BAZ1B: variants seen among roughly 807,000 people sequenced by gnomAD.
BAZ1B encodes bromodomain adjacent to zinc finger domain 1B.
A neutral mutation model predicts 153.8 loss-of-function variants in BAZ1B; 22 were observed. That is an observed-to-expected ratio of 0.14 (90% confidence interval 0.10 to 0.20). The LOEUF is 0.20. Ranked by LOEUF, BAZ1B falls within the 10% of genes least tolerant of loss-of-function variation. The pLI, the probability that BAZ1B is intolerant of heterozygous loss-of-function variation, is 1.00. For missense variants in BAZ1B, 1,325 were observed against 1,799.3 expected (o/e 0.74, Z 4.77); for synonymous variants, 676 against 633.4 (o/e 1.07, Z -1.01).
chr7:73,521,665 G>C (rs559111017), intron 1 of BAZ1B, among the ~76,000 whole-genome samples, 162 bp downstream of exon 1: 1 of 151,608 alleles, frequency 6.6e-6, no homozygotes, highest in East Asian at 2.0e-4. Context: ...TGGAAGGATC[G>C]GCGGGCGCAG....
At chr7:73,462,837 G>A (rs1374924372) in intron 12 of BAZ1B, 85 bp downstream of exon 12, 54 of 1,441,572 alleles carry the variant, frequency 3.7e-5, no homozygotes, top group Non-Finnish European at 5.0e-5. Flanking sequence ...GGAGGGTCAT[G>A]TTGGGAAGTC....
chr7:73,456,929 C>T lies in BAZ1B; in HGVS notation c.3432+2607G>A, dbSNP rs1236608601. On this transcript the variant is annotated intron_variant, in intron 13 of 19. Coordinates refer to ENST00000339594, the MANE Select transcript of BAZ1B (RefSeq NM_032408.4). ...TGTACTCCGGCCTCGGCGACAGAGACTCTGTCTCAAAAAAAAAAAAAAAAA... is the reference window on the plus strand; with the variant it reads ...TGTACTCCGGCCTCGGCGACAGAGATTCTGTCTCAAAAAAAAAAAAAAAAA... Among the ~76,000 whole-genome samples, 8 of 96,806 alleles carry T rather than the reference C, an allele frequency of 8.3e-5. No individual in the cohort carries two copies. In the South Asian group the frequency reaches 1.5e-3, roughly 18 times the overall value. The allele number at this position is 96,806 out of a possible 152,430, so 63.5% of individuals were successfully genotyped here.
intron 12 of BAZ1B, among the ~76,000 whole-genome samples, chr7:73,461,080 A>G (rs1182764164): frequency 6.6e-6 from 1 of 151,822 alleles, no homozygotes; most frequent in Non-Finnish European, 1.5e-5. Flanking sequence ...GGTTTAAGCG[A>G]TTCTTCTGCC....
At chr7:73,511,079 T>C (rs1790558343) in intron 1 of BAZ1B, among the ~76,000 whole-genome samples, 1 of 151,334 alleles carries the variant, frequency 6.6e-6, no homozygotes, top group Non-Finnish European at 1.5e-5. Context: ...CCAGCCTGGC[T>C]AACACGGTGA....
At chr7:73,487,415 C>A (rs1789453285) in intron 6 of BAZ1B, among the ~76,000 whole-genome samples, 1 of 152,096 alleles carries the variant, frequency 6.6e-6, no homozygotes, top group Non-Finnish European at 1.5e-5. Flanking sequence ...GGTAACAGAG[C>A]AAGACCCTGT....
intron 16 of BAZ1B, among the ~76,000 whole-genome samples, chr7:73,446,940 T>A (rs1307601980): frequency 1.3e-5 from 2 of 152,248 alleles, no homozygotes; most frequent in Non-Finnish European, 2.9e-5. Flanking sequence ...AAGATCTTCC[T>A]TCCCCATTGT....
In BAZ1B at chr7:73,477,489, G is replaced by T; in HGVS notation, c.1972C>A (p.Leu658Ile). The T allele has an allele frequency of 6.2e-7, 1 of 1,614,176 alleles. No individual in the cohort carries two copies. Among genetic ancestry groups the T allele is most frequent in the South Asian group, 1.1e-5 (1 of 91,084 alleles). The stretch of plus-strand genomic sequence containing the variant: ...TCATCTTGTAGGAGGGTCTGTAAGA[G>T]GATGACCAACACCCTGTTAAGGTAT... ...FLYLNRVLVI[L>I]LQTLLQDEIA... Residue 658 changes from leucine to isoleucine, a missense_variant, in exon 7 of 20, where the codon CTC (leucine) becomes ATC (isoleucine). By Grantham distance (5) the Leu-to-Ile change is conservative. Around this residue, in one of 9 missense-constraint regions of BAZ1B, gnomAD observed 154 missense variants for 266.3 expected, o/e 0.58. Coordinates refer to ENST00000339594, the MANE Select transcript of BAZ1B (RefSeq NM_032408.4). This position sits in a 1 kb window ranked among gnomAD's most constrained non-coding sequence, Gnocchi z 5.6.
chr7:73,491,543 G>T (rs1461501884), intron 5 of BAZ1B, among the ~76,000 whole-genome samples: 2 of 152,040 alleles, frequency 1.3e-5, no homozygotes, highest in East Asian at 3.9e-4. Flanking sequence ...AGGATGCAGT[G>T]AGCCGAGATT....
At chr7:73,506,528 G>T (rs116659514) in intron 3 of BAZ1B, among the ~76,000 whole-genome samples, 1 of 148,516 alleles carries the variant, frequency 6.7e-6, no homozygotes, top group African/African-American at 2.5e-5. Flanking sequence ...AGTAGAAAAA[G>T]TCCAACTCTC....
chr7:73,466,574 A>G (rs1285919586), intron 9 of BAZ1B, among the ~76,000 whole-genome samples, 173 bp from the exon 10 acceptor site: 4 of 152,244 alleles, frequency 2.6e-5, no homozygotes, highest in Non-Finnish European at 5.9e-5. Flanking sequence ...TAAATATCTT[A>G]AACACAGCAT....
chr7:73,441,869 G>A (rs1190879532), intron 19 of BAZ1B, 176 bp from the exon 20 acceptor site: 2 of 372,638 alleles, frequency 5.4e-6, no homozygotes, highest in East Asian at 4.7e-5. Context: ...TGGCACTGTG[G>A]TGGAAGCCAG....
chr7:73,442,952 T>A (rs1418368641), intron 17 of BAZ1B, 124 bp from the exon 18 acceptor site: 12 of 741,296 alleles, frequency 1.6e-5, no homozygotes, highest in Middle Eastern at 2.4e-4. Flanking sequence ...GGCGCAGAGG[T>A]GCTGAAACCT....
rs782313244 is a variant in BAZ1B at position 73,521,859 on chromosome 7, G to A, written c.75C>T (p.Ile25=). 6.6e-6 allele frequency: 10 copies of A among 1,510,668 alleles called. No individual in the cohort carries two copies. Among genetic ancestry groups the A allele is most frequent in the Middle Eastern group, 1.7e-4 (1 of 5,830 alleles). The allele number at this position is 1,510,668 out of a possible 1,614,324, so 93.6% of individuals were successfully genotyped here. A position where few individuals can be genotyped will look rare whatever the true frequency, so the allele number is the denominator to read the frequency against. ...TGCGGAAGGCCTCCTGAGTGTGCGG[G>A]ATGGTGAAGAGCGGCTCCTCTCCGG... ...PLPGEEPLFT[I]PHTQEAFRTR... Residue 25 remains isoleucine (I), a synonymous_variant, in exon 1 of 20, where the codon ATC becomes ATT. Coordinates refer to ENST00000339594, the MANE Select transcript of BAZ1B (RefSeq NM_032408.4).
At chr7:73,497,999 G>A (rs181176077) in intron 4 of BAZ1B, among the ~76,000 whole-genome samples, 5 of 151,420 alleles carry the variant, frequency 3.3e-5, no homozygotes, top group Non-Finnish European at 5.9e-5. Context: ...TGCTCTTGTG[G>A]CACAGACTAG....
At chr7:73,471,587 C>T (rs957804575) in intron 7 of BAZ1B, among the ~76,000 whole-genome samples, 3 of 152,110 alleles carry the variant, frequency 2.0e-5, no homozygotes, top group South Asian at 2.1e-4. Flanking sequence ...TGGGCTCAAG[C>T]GATCCTCCTG....
intron 1 of BAZ1B, among the ~76,000 whole-genome samples, chr7:73,519,117 C>T (rs1790928947): frequency 6.6e-6 from 1 of 152,146 alleles, no homozygotes; most frequent in Non-Finnish European, 1.5e-5. Flanking sequence ...GTGTGCATTA[C>T]TCACAACTTC....
In BAZ1B at chr7:73,492,810, T is replaced by C; in HGVS notation, c.683A>G (p.Asn228Ser). 2 of 1,603,908 alleles carry C rather than the reference T, an allele frequency of 1.2e-6. No homozygotes were observed. Among genetic ancestry groups the C allele is most frequent in the Non-Finnish European group, 1.7e-6 (2 of 1,176,872 alleles). The change falls in exon 5 of 20, where the codon AAT becomes AGT. Residue 228 changes from asparagine to serine, a missense_variant. Physicochemically the swap from Asn to Ser is conservative, Grantham distance 46. This residue lies in a region of BAZ1B where 153 missense variants were observed against 204.8 expected (regional missense o/e 0.75). Coordinates refer to ENST00000339594, the MANE Select transcript of BAZ1B (RefSeq NM_032408.4). ...LPHKYDVKLQNEDKIISNVPA... is the reference protein window; with the variant it reads ...LPHKYDVKLQSEDKIISNVPA... ...AAAGTGTCAACTAACCTTATCTTCATTTTGTAGTTTCACATCATATTTGTG... is the reference window on the plus strand; with the variant it reads ...AAAGTGTCAACTAACCTTATCTTCACTTTGTAGTTTCACATCATATTTGTG...
At chr7:73,455,617 T>C (rs553183829) in intron 13 of BAZ1B, among the ~76,000 whole-genome samples, 6 of 152,074 alleles carry the variant, frequency 3.9e-5, no homozygotes, top group African/African-American at 1.4e-4. Context: ...CCCGTCTCTA[T>C]AAAAAATTTA....
At chr7:73,473,199 CG>C (rs1752878397) in intron 7 of BAZ1B, among the ~76,000 whole-genome samples, 1 of 152,180 alleles carries the variant, frequency 6.6e-6, no homozygotes, top group Admixed American at 6.5e-5. Flanking sequence ...CTCAGCCTCC[CG>C]AAGTGTAGGA....
Sources: allele counts gnomAD v4.1 joint callset (sites outside exome capture counted in the v4.1 genomes callset), GRCh38; gene constraint gnomAD v4.1.1; regional missense constraint gnomAD v4.1.1; non-coding constraint Gnocchi (gnomAD v3.1); transcripts MANE v1.5; gene names NCBI Gene and HGNC (gene_info 2026-07-23, HGNC 2026-07-21).